The following AGPS variants were observed in gnomAD, a reference collection of about 807,000 sequenced individuals.
AGPS encodes the protein alkyldihydroxyacetonephosphate synthase, peroxisomal.
Under a neutral mutation model 90.7 loss-of-function variants are expected in AGPS, and 26 were observed. That is an observed-to-expected ratio of 0.29 (90% CI 0.21 to 0.40). AGPS has a LOEUF of 0.40. Among genes scored for constraint, AGPS ranks in the 10% least tolerant of loss-of-function variants. The pLI is 1.00. For missense variants in AGPS, 540 were observed against 816.1 expected, an observed-to-expected ratio of 0.66 and a Z score of 4.12; for synonymous variants, 294 against 285.3, an observed-to-expected ratio of 1.03 and a Z score of -0.31.
intron 18 of AGPS, 21 bp downstream of exon 18, chr2:177,521,389 A>G: frequency 6.4e-7 from 1 of 1,554,270 alleles, no homozygotes; most frequent in Non-Finnish European, 8.9e-7. Flanking sequence ...ATACCTGCAT[A>G]TAGCTTTTAC....
At chr2:177,479,356 T>C (rs1478723060) in intron 10 of AGPS, among the ~76,000 whole-genome samples, 1 of 152,126 alleles carries the variant, frequency 6.6e-6, no homozygotes, top group Non-Finnish European at 1.5e-5. Context: ...TGGGAAAAGG[T>C]AGCTGGGATC....
intron 19 of AGPS, among the ~76,000 whole-genome samples, chr2:177,537,211 T>C (rs1000327217): frequency 6.6e-6 from 1 of 152,172 alleles, no homozygotes; most frequent in Non-Finnish European, 1.5e-5. Context: ...TTCAGAATTC[T>C]TTTACAGATT....
chr2:177,466,546 C>T lies in AGPS; in HGVS notation c.997-1870C>T, dbSNP rs762852175. ...ATGGTGCCCAGATGCCCAGGCTGTT[C>T]GTGCTAAGGGCCTCCTGCAGGCCAG... On this transcript the variant is annotated intron_variant, in intron 9 of 19. Coordinates refer to ENST00000264167, the MANE Select transcript of AGPS (RefSeq NM_003659.4). Among the ~76,000 whole-genome samples the T allele has an allele frequency of 9.0e-4, 137 of 152,308 alleles. 1 individual carries two copies. The highest frequency in any genetic ancestry group is 1.5e-4 in the Non-Finnish European group (10 of 68,014).
chr2:177,461,767 T>TTC, intron 8 of AGPS, 126 bp from the exon 9 acceptor site: 2 of 665,622 alleles, frequency 3.0e-6, no homozygotes, highest in Non-Finnish European at 4.5e-6. Context: ...TTTTTTTTGC[T>TTC]ATGTAGGAAT....
At chr2:177,493,103 T>A in intron 11 of AGPS, 45 bp from the exon 12 acceptor site, 1 of 1,505,894 alleles carries the variant, frequency 6.6e-7, no homozygotes, top group Non-Finnish European at 9.2e-7. Context: ...TCTAGCTTCT[T>A]ACTGTATTAA....
At chr2:177,528,455 A>G (rs937666521) in intron 19 of AGPS, among the ~76,000 whole-genome samples, 1 of 152,130 alleles carries the variant, frequency 6.6e-6, no homozygotes, top group African/African-American at 2.4e-5. Flanking sequence ...CAGACATACT[A>G]ATCCCTTTTC....
intron 7 of AGPS, among the ~76,000 whole-genome samples, chr2:177,443,132 T>C (rs1686658391): frequency 6.6e-6 from 1 of 152,230 alleles, no homozygotes. Context: ...TAAATATTTC[T>C]GTATAATCTC....
At chr2:177,535,082 C>T (rs4893829) in intron 19 of AGPS, among the ~76,000 whole-genome samples, 128,021 of 152,092 alleles carry the variant, frequency 0.84, 54,076 homozygotes, top group East Asian at 0.95. Flanking sequence ...GACTCTCAGG[C>T]TAGATTTATA....
intron 19 of AGPS, among the ~76,000 whole-genome samples, chr2:177,534,278 T>C (rs1004779080): frequency 2.6e-5 from 4 of 152,208 alleles, no homozygotes; most frequent in Admixed American, 2.6e-4. Flanking sequence ...TACATGTCTG[T>C]TCATTCATTT....
intron 18 of AGPS, among the ~76,000 whole-genome samples, chr2:177,523,480 G>T (rs1380595195): frequency 1.3e-5 from 2 of 152,178 alleles, no homozygotes; most frequent in East Asian, 3.8e-4. Context: ...TAACAATTTA[G>T]TGTGCTGAAT....
At chr2:177,426,920 T>A (rs1686098816) in intron 2 of AGPS, among the ~76,000 whole-genome samples, 1 of 152,132 alleles carries the variant, frequency 6.6e-6, no homozygotes, top group South Asian at 2.1e-4. Context: ...CTTTTCAATT[T>A]AGTTTCAGTA....
intron 5 of AGPS, among the ~76,000 whole-genome samples, chr2:177,439,530 A>G (rs1012986337): frequency 1.3e-5 from 2 of 152,222 alleles, no homozygotes; most frequent in African/African-American, 4.8e-5. Flanking sequence ...CACAGATAGC[A>G]AGCTTTATAA....
At chr2:177,514,035 C>A in intron 17 of AGPS, 127 bp downstream of exon 17, 1 of 700,124 alleles carries the variant, frequency 1.4e-6, no homozygotes, top group Non-Finnish European at 2.5e-6. Context: ...GCTTTCCTAA[C>A]CTTCACTTAC....
chr2:177,450,797 G>A (rs143221819), intron 8 of AGPS, among the ~76,000 whole-genome samples: 1 of 151,636 alleles, frequency 6.6e-6, no homozygotes, highest in Admixed American at 6.6e-5. Context: ...GTCCCATTGG[G>A]ATTTTGATTG....
rs397986794 is a variant in AGPS at position 177,414,897 on chromosome 2, C to CGTGTGTGTGTGTGTGTGT, written c.261-5365_261-5348dup. 3.0e-3 allele frequency among the ~76,000 whole-genome samples: 436 copies of CGTGTGTGTGTGTGTGTGT among 146,312 alleles called. 2 individuals are homozygous for CGTGTGTGTGTGTGTGTGT. The highest frequency in any genetic ancestry group is 0.016 in the East Asian group (82 of 5,012). On this transcript the variant is annotated intron_variant, in intron 1 of 19. Coordinates refer to ENST00000264167, the MANE Select transcript of AGPS (RefSeq NM_003659.4). The stretch of plus-strand genomic sequence containing the variant: ...TATCCCATGGGTGCCTATGAAGGTT[C>CGTGTGTGTGTGTGTGTGT]GTGTGTGTGTGTGTGTGTGTGTGTA...
chr2:177,535,146 C>T (rs2105744758), intron 19 of AGPS, among the ~76,000 whole-genome samples: 1 of 152,162 alleles, frequency 6.6e-6, no homozygotes, highest in South Asian at 2.1e-4. Flanking sequence ...CTATGAATAT[C>T]CCACATCAGA....
chr2:177,499,403 GT>G (rs972817636), intron 13 of AGPS, among the ~76,000 whole-genome samples: 1 of 151,634 alleles, frequency 6.6e-6, no homozygotes, highest in African/African-American at 2.4e-5. Context: ...GAAATAAAGT[GT>G]TTTTTTCTAT....
At chr2:177,437,138 A>G (rs1278072934) in intron 5 of AGPS, 84 bp downstream of exon 5, 2 of 1,290,690 alleles carry the variant, frequency 1.5e-6, no homozygotes, top group South Asian at 2.4e-5. Flanking sequence ...ACTTTTTGGC[A>G]TATGAGTTGT....
At chr2:177,504,647 C>A (rs905146897) in intron 14 of AGPS, among the ~76,000 whole-genome samples, 3 of 151,980 alleles carry the variant, frequency 2.0e-5, no homozygotes, top group Non-Finnish European at 4.4e-5. Flanking sequence ...TTACTTACTA[C>A]CAAATTCAAC....
Sources: allele counts gnomAD v4.1 joint callset (sites outside exome capture counted in the v4.1 genomes callset), GRCh38; gene constraint gnomAD v4.1.1; transcripts MANE v1.5; gene names NCBI Gene and HGNC (gene_info 2026-07-23, HGNC 2026-07-21).